NRXN1: variants seen among roughly 807,000 people sequenced by gnomAD.
The protein encoded by NRXN1 is neurexin-1.
In NRXN1, 39 loss-of-function variants were observed where a neutral mutation model predicts 150.9. The observed-to-expected ratio is 0.26, with a 90% CI of 0.20 to 0.34. NRXN1 has a LOEUF of 0.34. Among genes scored for constraint, NRXN1 ranks in the 10% least tolerant of loss-of-function variants. The probability of loss-of-function intolerance (pLI) is 1.00; values close to 1 mark genes in which losing one functional copy is unlikely to be tolerated. For synonymous variants in NRXN1, 924 were observed against 757.0 expected (o/e 1.22, Z -3.62); for missense variants, 1,815 against 1,949.9 (o/e 0.93, Z 1.30).
At chr2:50,222,097 T>C (rs550865067) in intron 18 of NRXN1, among the ~76,000 whole-genome samples, 1 of 152,088 alleles carries the variant, frequency 6.6e-6, no homozygotes, top group African/African-American at 2.4e-5. Context: ...AGGTAGACTC[T>C]GAAATGAGTA....
chr2:50,309,860 G>T (rs530241185), intron 17 of NRXN1, among the ~76,000 whole-genome samples: 4 of 151,862 alleles, frequency 2.6e-5, no homozygotes, highest in African/African-American at 9.7e-5. Flanking sequence ...TAAAAAAAAT[G>T]TTCACAATCT....
intron 18 of NRXN1, among the ~76,000 whole-genome samples, chr2:50,222,812 A>G (rs1352050116): frequency 7.9e-5 from 12 of 152,020 alleles, no homozygotes; most frequent in Admixed American, 5.9e-4. Flanking sequence ...GTATGTTAGC[A>G]TATATACAAA....
At chr2:50,824,588 G>T (rs920865654) in intron 5 of NRXN1, among the ~76,000 whole-genome samples, 2 of 152,122 alleles carry the variant, frequency 1.3e-5, no homozygotes, top group Admixed American at 1.3e-4. Context: ...AAGGGATATT[G>T]AGGTTTGGCC....
intron 17 of NRXN1, among the ~76,000 whole-genome samples, chr2:50,380,783 G>A (rs557040997): frequency 6.6e-6 from 1 of 152,182 alleles, no homozygotes; most frequent in East Asian, 1.9e-4. Flanking sequence ...AAAGCCTGAT[G>A]TCTATCTCAA....
At chr2:50,335,853 A>T (rs577866567) in intron 17 of NRXN1, among the ~76,000 whole-genome samples, 1 of 151,826 alleles carries the variant, frequency 6.6e-6, no homozygotes, top group African/African-American at 2.4e-5. Context: ...TAAAAAGCTC[A>T]GAGGAGTCTA....
chr2:49,987,645 A>G (rs1025912942), intron 21 of NRXN1, among the ~76,000 whole-genome samples: 3 of 152,034 alleles, frequency 2.0e-5, no homozygotes, highest in African/African-American at 7.2e-5. Context: ...CCTTTAAAAT[A>G]TGTGATATAG....
At chr2:50,902,147 G>A (rs6741326) in intron 5 of NRXN1, among the ~76,000 whole-genome samples, 11,421 of 152,158 alleles carry the variant, frequency 0.075, 482 homozygotes, top group South Asian at 0.11. Context: ...ATTAGATGAT[G>A]AGGAGTCTGA....
chr2:50,133,504 A>G (rs1268379283), intron 18 of NRXN1, among the ~76,000 whole-genome samples: 2 of 152,210 alleles, frequency 1.3e-5, no homozygotes, highest in Non-Finnish European at 2.9e-5. Flanking sequence ...ATAGTACCAG[A>G]CAGACTCTTC....
intron 5 of NRXN1, among the ~76,000 whole-genome samples, chr2:50,914,785 A>C (rs1410419710): frequency 6.6e-6 from 1 of 151,674 alleles, no homozygotes; most frequent in Admixed American, 6.6e-5. Context: ...TATGAGAAAG[A>C]AAAAATATCC....
intron 5 of NRXN1, among the ~76,000 whole-genome samples, chr2:50,664,436 T>C (rs1687730463): frequency 7.0e-6 from 1 of 142,936 alleles, no homozygotes; most frequent in African/African-American, 2.7e-5. Flanking sequence ...TGTGTGTGTG[T>C]GTGGCGTGGC....
At chr2:50,573,844 TA>T (rs1671016765) in intron 8 of NRXN1, among the ~76,000 whole-genome samples, 1 of 152,044 alleles carries the variant, frequency 6.6e-6, no homozygotes, top group South Asian at 2.1e-4. Context: ...TTAGGTATTA[TA>T]AGTAATCTAG....
At chr2:50,065,545 C>T (rs1443367396) in intron 19 of NRXN1, among the ~76,000 whole-genome samples, 1 of 152,126 alleles carries the variant, frequency 6.6e-6, no homozygotes, top group Non-Finnish European at 1.5e-5. Flanking sequence ...TTCCCTAAAT[C>T]CTCAACGATT....
chr2:50,880,935 G>A (rs191023564), intron 5 of NRXN1, among the ~76,000 whole-genome samples: 1 of 152,004 alleles, frequency 6.6e-6, no homozygotes, highest in East Asian at 1.9e-4. Context: ...TATGACTAGA[G>A]AAGACATGAG....
chr2:50,314,430 CA>C (rs2075425549), intron 17 of NRXN1, among the ~76,000 whole-genome samples: 1 of 152,010 alleles, frequency 6.6e-6, no homozygotes, highest in Admixed American at 6.6e-5. Flanking sequence ...CAGCTCAAAT[CA>C]GAAGCAACTC....
chr2:50,263,273 T>C (rs2068496764), intron 17 of NRXN1, among the ~76,000 whole-genome samples: 1 of 151,910 alleles, frequency 6.6e-6, no homozygotes, highest in Admixed American at 6.6e-5. Flanking sequence ...TTCTGTTATT[T>C]ATTCCTCAGA....
chr2:50,731,765 T>C (rs1451137515), intron 5 of NRXN1, among the ~76,000 whole-genome samples: 4 of 152,196 alleles, frequency 2.6e-5, no homozygotes, highest in Non-Finnish European at 5.9e-5. Flanking sequence ...TATCAATTTA[T>C]AGATAAGCAA....
At chr2:50,644,788 A>C (rs1376083359) in intron 5 of NRXN1, among the ~76,000 whole-genome samples, 1 of 146,096 alleles carries the variant, frequency 6.8e-6, no homozygotes, top group Non-Finnish European at 1.5e-5. Flanking sequence ...GCATATGTAT[A>C]TAAAAGAAAT....
At chr2:50,819,239 G>T (rs771799419) in intron 5 of NRXN1, among the ~76,000 whole-genome samples, 1 of 152,124 alleles carries the variant, frequency 6.6e-6, no homozygotes, top group Non-Finnish European at 1.5e-5. Context: ...TTCTGTGTTC[G>T]TTGCAGCATT....
chr2:50,004,309 T>C (rs1232714555), intron 21 of NRXN1, among the ~76,000 whole-genome samples: 1 of 152,132 alleles, frequency 6.6e-6, no homozygotes, highest in South Asian at 2.1e-4. Flanking sequence ...GATTTGGTCA[T>C]TCTGCAATAC....
Sources: gnomAD v4.1 joint callset for allele counts (sites outside exome capture counted in the v4.1 genomes callset) on GRCh38, gnomAD v4.1.1 for gene constraint, MANE v1.5 for transcripts, NCBI Gene and HGNC (gene_info 2026-07-23, HGNC 2026-07-21) for gene names.